CCDC34: variants seen among roughly 807,000 people sequenced by gnomAD.
CCDC34 encodes the protein coiled-coil domain containing 34.
A neutral mutation model predicts 44.1 loss-of-function variants in CCDC34; 40 were observed. That is an observed-to-expected ratio of 0.91 (90% confidence interval 0.70 to 1.18). The LOEUF is 1.18. CCDC34 is among the 50% of genes most tolerant of loss of function. The pLI, the probability that CCDC34 is intolerant of heterozygous loss-of-function variation, is 0.00. For missense variants in CCDC34, 466 were observed against 452.3 expected (o/e 1.03, Z -0.28); for synonymous variants, 159 against 158.2 (o/e 1.01, Z -0.04).
In CCDC34 at chr11:27,350,458, C is replaced by A. The variant is rs184047802; in HGVS notation, c.499-19G>T. ...TTAATTCCTGTGGATTTTATTTAGACAAAAGGCAACATTTAATAGAAGTAC... is the reference window on the plus strand; with the variant it reads ...TTAATTCCTGTGGATTTTATTTAGAAAAAAGGCAACATTTAATAGAAGTAC... On this transcript the variant is annotated intron_variant, in intron 2 of 5. Transcript: ENST00000328697. 2.7e-5 allele frequency: 42 copies of A among 1,568,090 alleles called. No homozygotes were observed. The highest frequency in any genetic ancestry group is 3.5e-5 in the Non-Finnish European group (40 of 1,152,476).
chr11:27,355,511 A>T lies in CCDC34; in HGVS notation c.498+1892T>A, dbSNP rs184138978. On this transcript the variant is annotated intron_variant, in intron 2 of 5. Coordinates refer to ENST00000328697, the MANE Select transcript of CCDC34 (RefSeq NM_030771.2). ...TCTGAAAATAAATGAAAAAGCTTTA[A>T]GAAGACTATGAATAGTAATGATATA... Among the ~76,000 whole-genome samples, 208 of 152,354 alleles carry T rather than the reference A, an allele frequency of 1.4e-3. 1 individual carries two copies. The highest frequency in any genetic ancestry group is 4.9e-3 in the African/African-American group (204 of 41,584).
At chr11:27,362,206 CTGAG>C (rs777862352) in intron 1 of CCDC34, among the ~76,000 whole-genome samples, 16 of 152,184 alleles carry the variant, frequency 1.1e-4, no homozygotes, top group South Asian at 2.1e-4. Context: ...ACAATGTTTG[CTGAG>C]TGAGTAACAG....
intron 5 of CCDC34, 77 bp downstream of exon 5, chr11:27,340,619 T>C: frequency 1.5e-6 from 2 of 1,361,098 alleles, no homozygotes; most frequent in Non-Finnish European, 2.0e-6. Context: ...TTTACACATT[T>C]CTATTTCTGT....
Position 27,363,179 on chromosome 11 carries a change from GC to G in CCDC34, c.15del (p.Arg6AlafsTer32). On this transcript the variant is annotated frameshift_variant, in exon 1 of 6. Coordinates refer to ENST00000328697, the MANE Select transcript of CCDC34 (RefSeq NM_030771.2). LOFTEE classifies it high-confidence loss of function. ...GAAGAGGGAAAAGTAGGCCCCCAGCGCCCCGCCGCCCACATCTGGCCCGCCA... is the reference window on the plus strand; with the variant it reads ...GAAGAGGGAAAAGTAGGCCCCCAGCGCCCGCCGCCCACATCTGGCCCGCCA... MWAA[G>X]RWGPTFPSSY... The G allele has an allele frequency of 1.3e-6, 2 of 1,485,008 alleles. No homozygotes were observed. The highest frequency in any genetic ancestry group is 8.9e-7 in the Non-Finnish European group (1 of 1,124,362). The allele number at this position is 1,485,008 out of a possible 1,614,324, so 92.0% of individuals were successfully genotyped here. A position where few individuals can be genotyped will look rare whatever the true frequency, so the allele number is the denominator to read the frequency against.
In CCDC34 at chr11:27,338,858, T is replaced by C. The variant is rs1434291859; in HGVS notation, c.1085A>G (p.Asn362Ser). Residue 362 changes from asparagine to serine, a missense_variant, in exon 6 of 6, where the codon AAT (asparagine) becomes AGT (serine). Physicochemically the swap from Asn to Ser is conservative, Grantham distance 46. Coordinates refer to ENST00000328697, the MANE Select transcript of CCDC34 (RefSeq NM_030771.2). ...TCTGCACAGAGTTCCAAGGCAAAGA[T>C]TGCTCCTGGCTTTATGAATTACCAG... is the stretch of plus-strand genomic sequence containing the variant. ...SSLVIHKARSNLCLGTLCRIQ... is the reference protein window; with the variant it reads ...SSLVIHKARSSLCLGTLCRIQ... The C allele has an allele frequency of 3.1e-6, 5 of 1,613,850 alleles. No homozygotes were observed. The highest frequency in any genetic ancestry group is 3.4e-6 in the Non-Finnish European group (4 of 1,179,872).
chr11:27,343,832 G>A (rs561934069), intron 3 of CCDC34, among the ~76,000 whole-genome samples: 1 of 152,262 alleles, frequency 6.6e-6, no homozygotes, highest in South Asian at 2.1e-4. Flanking sequence ...AAGGCACATG[G>A]AGGCTAATTT....
chr11:27,346,948 G>A (rs906514528), intron 3 of CCDC34, among the ~76,000 whole-genome samples: 5 of 152,170 alleles, frequency 3.3e-5, no homozygotes, highest in African/African-American at 4.8e-5. Context: ...AAAGACAGCC[G>A]TGGAGAGAGG....
At chr11:27,348,666 G>C (rs1054513582) in intron 3 of CCDC34, among the ~76,000 whole-genome samples, 2 of 152,046 alleles carry the variant, frequency 1.3e-5, no homozygotes, top group African/African-American at 4.8e-5. Context: ...AGGCAGCTGA[G>C]GACCACACAC....
chr11:27,349,845 A>G, intron 3 of CCDC34: 3 of 976,890 alleles, frequency 3.1e-6, no homozygotes, highest in Non-Finnish European at 3.7e-6. Context: ...GTAAACAACA[A>G]GTTGAAAGAT....
rs921420674 is a variant in CCDC34 at position 27,350,454 on chromosome 11, TAGACA to T, written c.499-20_499-16del. The stretch of plus-strand genomic sequence containing the variant: ...TGATTTAATTCCTGTGGATTTTATT[TAGACA>T]AAAGGCAACATTTAATAGAAGTACC... On this transcript the variant is annotated splice_polypyrimidine_tract_variant and intron_variant, in intron 2 of 5. Transcript: ENST00000328697. The T allele has an allele frequency of 6.3e-7, 1 of 1,578,344 alleles. No individual in the cohort carries two copies. The highest frequency in any genetic ancestry group is 1.4e-5 in the African/African-American group (1 of 73,804).
chr11:27,363,185 C>A lies in CCDC34; in HGVS notation c.10G>T (p.Ala4Ser). The A allele has an allele frequency of 6.7e-7, 1 of 1,482,380 alleles. No individual in the cohort carries two copies. The highest frequency in any genetic ancestry group is 8.9e-7 in the Non-Finnish European group (1 of 1,123,406). The allele number at this position is 1,482,380 out of a possible 1,614,324, so 91.8% of individuals were successfully genotyped here. The change falls in exon 1 of 6, where the codon GCG becomes TCG. Residue 4 changes from alanine to serine, a missense_variant. By Grantham distance (99) the Ala-to-Ser change is moderately conservative. Coordinates refer to ENST00000328697, the MANE Select transcript of CCDC34 (RefSeq NM_030771.2). MWA[A>S]GRWGPTFPSS... ...GGAAAAGTAGGCCCCCAGCGCCCCGCCGCCCACATCTGGCCCGCCAAGTTC... is the reference window on the plus strand; with the variant it reads ...GGAAAAGTAGGCCCCCAGCGCCCCGACGCCCACATCTGGCCCGCCAAGTTC...
intron 5 of CCDC34, 146 bp from the exon 6 acceptor site, chr11:27,339,181 C>T: frequency 1.6e-6 from 1 of 613,450 alleles, no homozygotes; most frequent in Middle Eastern, 4.3e-4. Flanking sequence ...AACTTAAACT[C>T]CTTGATATTT....
intron 3 of CCDC34, chr11:27,349,331 G>A (rs771051525): frequency 2.2e-6 from 2 of 898,676 alleles, no homozygotes; most frequent in Non-Finnish European, 2.7e-6. Flanking sequence ...CAAAGTAATT[G>A]ACTTCTAAAC....
Position 27,349,364 on chromosome 11 carries a change from C to T in CCDC34, c.606+968G>A, listed in dbSNP as rs928388121. 9.1e-6 allele frequency: 8 copies of T among 878,856 alleles called. No individual in the cohort carries two copies. In the East Asian group the frequency reaches 6.1e-4, roughly 67 times the overall value. The allele number at this position is 878,856 out of a possible 1,614,324, so 54.4% of individuals were successfully genotyped here. ...AACAAATATGGTTATAACACACATA[C>T]ATCTAACCAATTTCCTTCTTATAAT... On this transcript the variant is annotated intron_variant, in intron 3 of 5. Coordinates refer to ENST00000328697, the MANE Select transcript of CCDC34 (RefSeq NM_030771.2).
chr11:27,356,525 T>C (rs948544344), intron 2 of CCDC34, among the ~76,000 whole-genome samples: 7 of 151,980 alleles, frequency 4.6e-5, no homozygotes, highest in African/African-American at 1.2e-4. Context: ...GTGTCCCTCA[T>C]CATTCAAATC....
intron 3 of CCDC34, chr11:27,348,982 T>C (rs1215561319): frequency 2.0e-6 from 2 of 984,856 alleles, no homozygotes; most frequent in African/African-American, 3.5e-5. Flanking sequence ...AGAAATAATT[T>C]TTTTTTTCTT....
chr11:27,342,250 G>C (rs1862369989), intron 3 of CCDC34, among the ~76,000 whole-genome samples: 1 of 148,852 alleles, frequency 6.7e-6, no homozygotes, highest in Non-Finnish European at 1.5e-5. Flanking sequence ...CTGAATCTTA[G>C]TATTTTTTAA....
Position 27,362,847 on chromosome 11 carries a change from C to T in CCDC34, c.348G>A (p.Gln116=). 13 of 1,613,920 alleles carry T rather than the reference C, an allele frequency of 8.1e-6. No individual in the cohort carries two copies. Among genetic ancestry groups the T allele is most frequent in the Non-Finnish European group, 1.1e-5 (13 of 1,179,848 alleles). The stretch of plus-strand genomic sequence containing the variant: ...GGCCTCGGGTTTACCTGGCGCACCC[C>T]TGTAACTCCATTCCTCTCAGGCTCG... The part of the protein sequence containing the change: ...KVASLRGMEL[Q]GCASTQVESE... Residue 116 remains glutamine (Q), a synonymous_variant, in exon 1 of 6, where the codon CAG becomes CAA. Coordinates refer to ENST00000328697, the MANE Select transcript of CCDC34 (RefSeq NM_030771.2).
At chr11:27,340,969 T>C in intron 4 of CCDC34, 132 bp from the exon 5 acceptor site, 1 of 711,168 alleles carries the variant, frequency 1.4e-6, no homozygotes, top group Non-Finnish European at 2.3e-6. Context: ...TGAATCATAT[T>C]TTTATAATAT....
Sources: allele counts gnomAD v4.1 joint callset (sites outside exome capture counted in the v4.1 genomes callset), GRCh38; gene constraint gnomAD v4.1.1; transcripts MANE v1.5; gene names NCBI Gene and HGNC (gene_info 2026-07-23, HGNC 2026-07-21).